MACROD2: variants seen among roughly 807,000 people sequenced by gnomAD.
MACROD2 encodes the protein mono-ADP ribosylhydrolase 2.
MACROD2 carries 36 observed loss-of-function variants against 70.4 expected under a neutral mutation model. That is an observed-to-expected ratio of 0.51 (90% CI 0.39 to 0.68). The LOEUF (loss-of-function observed/expected upper bound fraction) is 0.68. Ranked by LOEUF, MACROD2 falls within the 30% of genes least tolerant of loss-of-function variation. MACROD2 has a pLI of 0.00. For missense variants in MACROD2, 496 were observed against 538.4 expected (o/e 0.92, Z 0.78); for synonymous variants, 172 against 178.8 (o/e 0.96, Z 0.30).
chr20:15,653,108 C>T (rs1361948396), intron 8 of MACROD2, among the ~76,000 whole-genome samples: 1 of 152,188 alleles, frequency 6.6e-6, no homozygotes, highest in Non-Finnish European at 1.5e-5. Flanking sequence ...GCCCTACACA[C>T]TCTTCAAATC....
chr20:14,685,114 G>A, intron 5 of MACROD2, 155 bp downstream of exon 5: 1 of 523,430 alleles, frequency 1.9e-6, no homozygotes, highest in Non-Finnish European at 3.4e-6. Flanking sequence ...TGCTTTCCAA[G>A]TATGTCTCCA....
chr20:14,764,239 A>G (rs886125016), intron 5 of MACROD2, among the ~76,000 whole-genome samples: 1 of 152,062 alleles, frequency 6.6e-6, no homozygotes, highest in South Asian at 2.1e-4. Flanking sequence ...CTCCAGGACT[A>G]TGGTCCTGTC....
At chr20:14,977,823 A>G (rs1166828789) in intron 5 of MACROD2, among the ~76,000 whole-genome samples, 1 of 152,162 alleles carries the variant, frequency 6.6e-6, no homozygotes, top group African/African-American at 2.4e-5. Context: ...ACAAAACATG[A>G]GGAAATTATT....
chr20:15,118,121 C>G (rs1211455807), intron 5 of MACROD2, among the ~76,000 whole-genome samples: 1 of 151,858 alleles, frequency 6.6e-6, no homozygotes, highest in African/African-American at 2.4e-5. Context: ...GAATTACCAT[C>G]CAAAAAAGCT....
intron 5 of MACROD2, among the ~76,000 whole-genome samples, chr20:15,194,245 CAA>C (rs71190180): frequency 8.0e-5 from 4 of 49,844 alleles, no homozygotes; most frequent in African/African-American, 2.7e-4. Flanking sequence ...CACTCTGTCT[CAA>C]AAAAAAAAAA....
chr20:15,944,898 C>T lies in MACROD2; in HGVS notation c.907+7354C>T, dbSNP rs1011334453. 3.9e-5 allele frequency among the ~76,000 whole-genome samples: 6 copies of T among 152,196 alleles called. No individual in the cohort carries two copies. The East Asian group carries it at 7.7e-4, about 20-fold the overall frequency. Reference sequence around the variant, plus strand: ...TGAACATACACAGCTTTATGTGAAACGTATGATTGTAATGCAATTTTTCTC... The same window carrying T: ...TGAACATACACAGCTTTATGTGAAATGTATGATTGTAATGCAATTTTTCTC... On this transcript the variant is annotated intron_variant, in intron 12 of 17. Coordinates refer to ENST00000684519, the MANE Select transcript of MACROD2 (RefSeq NM_001351661.2).
At chr20:15,837,410 T>C (rs555163506) in intron 8 of MACROD2, among the ~76,000 whole-genome samples, 1 of 152,210 alleles carries the variant, frequency 6.6e-6, no homozygotes, top group South Asian at 2.1e-4. Context: ...TAGCTAACTG[T>C]CTGCAACACT....
intron 8 of MACROD2, among the ~76,000 whole-genome samples, chr20:15,647,906 A>G (rs899172806): frequency 6.6e-6 from 1 of 152,024 alleles, no homozygotes; most frequent in East Asian, 1.9e-4. Context: ...TTTAGTAGAG[A>G]TGGGGTCTCA....
At chr20:14,093,347 A>T (rs577659883) in intron 3 of MACROD2, among the ~76,000 whole-genome samples, 1 of 152,102 alleles carries the variant, frequency 6.6e-6, no homozygotes, top group South Asian at 2.1e-4. Context: ...TAGACCTCTC[A>T]AAGTACTGGG....
chr20:14,853,014 A>C (rs1350897576), intron 5 of MACROD2, among the ~76,000 whole-genome samples: 1 of 151,900 alleles, frequency 6.6e-6, no homozygotes, highest in Non-Finnish European at 1.5e-5. Context: ...CCGTGTAGGA[A>C]TGGGTGAAGG....
chr20:14,859,963 C>G (rs1568837335), intron 5 of MACROD2, among the ~76,000 whole-genome samples: 1 of 152,110 alleles, frequency 6.6e-6, no homozygotes. Flanking sequence ...TCCAGTGTCA[C>G]CTAGCAGCTC....
At chr20:14,665,040 T>G (rs2123545129) in intron 4 of MACROD2, among the ~76,000 whole-genome samples, 1 of 152,110 alleles carries the variant, frequency 6.6e-6, no homozygotes, top group African/African-American at 2.4e-5. Flanking sequence ...TTCAGTGGGG[T>G]GGGAAAACTG....
intron 2 of MACROD2, among the ~76,000 whole-genome samples, chr20:14,019,694 G>A (rs2053045674): frequency 6.6e-6 from 1 of 152,094 alleles, no homozygotes; most frequent in South Asian, 2.1e-4. Context: ...TCTGCCACAG[G>A]ACCATTGAAT....
chr20:14,385,342 G>A (rs1470214503), intron 3 of MACROD2, among the ~76,000 whole-genome samples: 1 of 151,948 alleles, frequency 6.6e-6, no homozygotes, highest in African/African-American at 2.4e-5. Flanking sequence ...CAGTTTTATT[G>A]TTTCAGTGTT....
At chr20:14,772,684 A>G (rs2072184654) in intron 5 of MACROD2, among the ~76,000 whole-genome samples, 1 of 152,094 alleles carries the variant, frequency 6.6e-6, no homozygotes. Context: ...CCATAGCAGT[A>G]CACAAAAGGT....
At position 14,331,277 on chromosome 20, in the gene MACROD2, G is replaced by A. The variant is rs147625717; in HGVS notation, c.272-162202G>A. Among the ~76,000 whole-genome samples, 258 of 152,196 alleles carry A rather than the reference G, an allele frequency of 1.7e-3. 1 individual carries two copies. The highest frequency in any genetic ancestry group is 6.1e-3 in the African/African-American group (252 of 41,540). On this transcript the variant is annotated intron_variant, in intron 3 of 17. Transcript: ENST00000684519. ...TCACCAAATAAGGCTCTAACAATAT[G>A]TATTGATTTTCACATTTTTAACCCA...
intron 8 of MACROD2, among the ~76,000 whole-genome samples, chr20:15,753,596 T>C (rs955983300): frequency 5.3e-5 from 8 of 152,334 alleles, no homozygotes; most frequent in African/African-American, 1.9e-4. Flanking sequence ...TATGTCTTTG[T>C]GGTAGAATGA....
At chr20:14,875,297 C>A (rs1416897593) in intron 5 of MACROD2, among the ~76,000 whole-genome samples, 1 of 152,018 alleles carries the variant, frequency 6.6e-6, no homozygotes, top group Admixed American at 6.5e-5. Flanking sequence ...AGGAGAATAG[C>A]TTTAACCCAG....
intron 8 of MACROD2, among the ~76,000 whole-genome samples, chr20:15,590,880 A>G (rs2048667944): frequency 6.6e-6 from 1 of 151,642 alleles, no homozygotes; most frequent in African/African-American, 2.4e-5. Flanking sequence ...CAAAAAAAAA[A>G]GAAAGAAAGA....
Sources: allele counts gnomAD v4.1 joint callset (sites outside exome capture counted in the v4.1 genomes callset), GRCh38; gene constraint gnomAD v4.1.1; transcripts MANE v1.5; gene names NCBI Gene and HGNC (gene_info 2026-07-23, HGNC 2026-07-21).